Variants in THSD7B observed in about 807,000 individuals in gnomAD.
THSD7B encodes thrombospondin type-1 domain-containing protein 7B.
THSD7B carries 138 observed loss-of-function variants against 213.6 expected under a neutral mutation model. That is an observed-to-expected ratio of 0.65 (90% CI 0.56 to 0.74). THSD7B has a LOEUF of 0.74. Ranked by LOEUF, THSD7B falls within the 30% of genes least tolerant of loss-of-function variation. The pLI is 0.00. For missense variants in THSD7B, 1,931 were observed against 1,991.5 expected (o/e 0.97, Z 0.58); for synonymous variants, 742 against 687.0 (o/e 1.08, Z -1.25).
At chr2:137,188,787 A>G (rs1680602477) in intron 7 of THSD7B, among the ~76,000 whole-genome samples, 1 of 152,198 alleles carries the variant, frequency 6.6e-6, no homozygotes, top group Non-Finnish European at 1.5e-5. Flanking sequence ...TCTATGCTGT[A>G]GTAAATTTGA....
chr2:137,383,631 G>A (rs893183731), intron 12 of THSD7B, among the ~76,000 whole-genome samples: 2 of 152,164 alleles, frequency 1.3e-5, no homozygotes, highest in African/African-American at 4.8e-5. Context: ...CCACCCACAT[G>A]AGCTTGTGCT....
At chr2:137,436,860 A>G (rs1687304321) in intron 14 of THSD7B, among the ~76,000 whole-genome samples, 1 of 152,120 alleles carries the variant, frequency 6.6e-6, no homozygotes, top group African/African-American at 2.4e-5. Flanking sequence ...CTCCACATTT[A>G]GAATTGTACT....
At chr2:136,911,730 A>G (rs895127546) in intron 2 of THSD7B, among the ~76,000 whole-genome samples, 2 of 152,150 alleles carry the variant, frequency 1.3e-5, no homozygotes, top group African/African-American at 4.8e-5. Flanking sequence ...AGAAACTGAC[A>G]CTCATTCAAA....
At chr2:137,256,603 G>C (rs866115190) in intron 10 of THSD7B, among the ~76,000 whole-genome samples, 1 of 152,180 alleles carries the variant, frequency 6.6e-6, no homozygotes, top group Admixed American at 6.5e-5. Flanking sequence ...GTACCCGCTC[G>C]TGAAGACATT....
At chr2:137,250,139 G>A (rs181485720) in intron 10 of THSD7B, among the ~76,000 whole-genome samples, 24 of 152,226 alleles carry the variant, frequency 1.6e-4, no homozygotes, top group Non-Finnish European at 2.4e-4. Flanking sequence ...GCCAGTGAAA[G>A]GCTATAACTT....
intron 15 of THSD7B, among the ~76,000 whole-genome samples, chr2:137,494,811 AT>A (rs1377812676): frequency 2.0e-5 from 3 of 152,158 alleles, no homozygotes; most frequent in Non-Finnish European, 4.4e-5. Flanking sequence ...GTCATCTAGA[AT>A]TACATGCAAA....
At chr2:137,167,920 AC>A (rs1680169415) in intron 6 of THSD7B, among the ~76,000 whole-genome samples, 1 of 152,194 alleles carries the variant, frequency 6.6e-6, no homozygotes, top group Non-Finnish European at 1.5e-5. Flanking sequence ...ACAGGAGCCG[AC>A]TTTAATCTTT....
At chr2:137,202,084 G>A (rs137881899) in intron 7 of THSD7B, among the ~76,000 whole-genome samples, 4 of 152,104 alleles carry the variant, frequency 2.6e-5, no homozygotes, top group Admixed American at 6.6e-5. Flanking sequence ...CATTCAGAAC[G>A]CTGTCTTTTG....
chr2:137,021,467 C>G (rs796671600), intron 2 of THSD7B, among the ~76,000 whole-genome samples: 11 of 152,170 alleles, frequency 7.2e-5, no homozygotes, highest in African/African-American at 2.4e-4. Context: ...CACTTAAAAA[C>G]TGATATTTGA....
chr2:137,083,531 TC>T (rs1375974382), intron 3 of THSD7B, among the ~76,000 whole-genome samples: 1 of 152,154 alleles, frequency 6.6e-6, no homozygotes, highest in African/African-American at 2.4e-5. Context: ...CAGGTTTTTT[TC>T]TTCAAGTTGT....
In THSD7B at chr2:137,572,406, A is replaced by G. The variant is rs765519424; in HGVS notation, c.3273A>G (p.Arg1091=). ...ACTATCTTGTGACCTTGCTTTACAG[A>G]TGTGTGAATACTGCGGATGGTGAAG... is the stretch of plus-strand genomic sequence containing the variant. ...CGGGTQSRKI[R]CVNTADGEGG... is the part of the protein sequence containing the mutation. Residue 1091 remains arginine (R), a splice_region_variant and synonymous_variant, in exon 17 of 28, where the codon AGA becomes AGG. Coordinates refer to ENST00000409968, the MANE Select transcript of THSD7B (RefSeq NM_001316349.2). 10 of 1,613,782 alleles carry G rather than the reference A, an allele frequency of 6.2e-6. No individual in the cohort carries two copies. The East Asian group carries it at 8.9e-5, about 14-fold the overall frequency.
intron 15 of THSD7B, among the ~76,000 whole-genome samples, chr2:137,494,204 A>C (rs947238612): frequency 1.3e-5 from 2 of 152,186 alleles, no homozygotes; most frequent in African/African-American, 2.4e-5. Context: ...TTAATAGAGC[A>C]TAGTATGCTG....
chr2:137,277,684 T>C (rs906639617), intron 12 of THSD7B, among the ~76,000 whole-genome samples: 13 of 152,132 alleles, frequency 8.5e-5, no homozygotes, highest in East Asian at 1.9e-4. Context: ...AATGGAGATA[T>C]GGCAAAGTAT....
intron 15 of THSD7B, among the ~76,000 whole-genome samples, chr2:137,487,728 G>GTTTC (rs1248815865): frequency 7.0e-5 from 3 of 42,648 alleles, no homozygotes; most frequent in African/African-American, 1.3e-4. Context: ...ATATTTTGAG[G>GTTTC]TTTCTTTCTT....
intron 12 of THSD7B, among the ~76,000 whole-genome samples, chr2:137,377,428 G>A (rs985152756): frequency 6.6e-6 from 1 of 152,044 alleles, no homozygotes; most frequent in Non-Finnish European, 1.5e-5. Context: ...AATATAAATG[G>A]TTTAGAGCAT....
chr2:136,807,794 C>T (rs1250064382), intron 1 of THSD7B, among the ~76,000 whole-genome samples: 1 of 152,150 alleles, frequency 6.6e-6, no homozygotes, highest in African/African-American at 2.4e-5. Flanking sequence ...GCGTGAGCCA[C>T]CACACCTGGC....
chr2:137,361,238 A>C (rs569617866), intron 12 of THSD7B, among the ~76,000 whole-genome samples: 1 of 152,336 alleles, frequency 6.6e-6, no homozygotes, highest in African/African-American at 2.4e-5. Context: ...CACCATCATC[A>C]AAGACCAAAG....
chr2:137,657,126 A>G lies in THSD7B; in HGVS notation c.4341A>G (p.Val1447=), dbSNP rs537471195. The G allele has an allele frequency of 6.2e-7, 1 of 1,614,046 alleles. No homozygotes were observed. The highest frequency in any genetic ancestry group is 8.5e-7 in the Non-Finnish European group (1 of 1,179,898). The change falls in exon 24 of 28, where the codon GTA becomes GTG. Residue 1447 remains valine (V), a synonymous_variant. Coordinates refer to ENST00000409968, the MANE Select transcript of THSD7B (RefSeq NM_001316349.2). ...ASLWNNNERT[V]WCQRSDGVNV... Reference sequence around the variant, plus strand: ...TTTGGAACAATAACGAACGAACTGTATGGTGCCAGCGTTCAGATGGCGTTA... The same window carrying G: ...TTTGGAACAATAACGAACGAACTGTGTGGTGCCAGCGTTCAGATGGCGTTA...
In THSD7B at chr2:136,828,031, A is replaced by G. The variant is rs1682687047; in HGVS notation, c.-35-54113A>G. 3.3e-5 allele frequency among the ~76,000 whole-genome samples: 5 copies of G among 152,060 alleles called. No individual in the cohort carries two copies. In the South Asian group the frequency reaches 1.0e-3, roughly 32 times the overall value. ...ACCTATGGGCTCCTGTGTTGATAAC[A>G]TAGGAGCCATGAAGATGCTGACAGG... On this transcript the variant is annotated intron_variant, in intron 1 of 27. Transcript: ENST00000409968.
Sources: gnomAD v4.1 joint callset for allele counts (sites outside exome capture counted in the v4.1 genomes callset) on GRCh38, gnomAD v4.1.1 for gene constraint, MANE v1.5 for transcripts, NCBI Gene and HGNC (gene_info 2026-07-23, HGNC 2026-07-21) for gene names.